The following NFATC2IP variants were observed in gnomAD, a reference collection of about 807,000 sequenced individuals.
NFATC2IP encodes the protein NFATC2-interacting protein.
NFATC2IP carries 25 observed loss-of-function variants against 40.2 expected under a neutral mutation model. The ratio of observed to expected loss-of-function variants is 0.62; its 90% CI spans 0.45 to 0.87. NFATC2IP has a LOEUF of 0.87. Ranked by LOEUF, NFATC2IP falls within the 40% of genes least tolerant of loss-of-function variation. The pLI is 0.00. For synonymous variants in NFATC2IP, 241 were observed against 236.3 expected, an observed-to-expected ratio of 1.02 and a Z score of -0.18; for missense variants, 553 against 555.6, an observed-to-expected ratio of 1.00 and a Z score of 0.05.
At chr16:28,958,913 G>A in intron 6 of NFATC2IP, 52 bp downstream of exon 6, 1 of 1,609,538 alleles carries the variant, frequency 6.2e-7, no homozygotes, top group African/African-American at 1.3e-5. Context: ...AGGGGAAGGG[G>A]ATATGGGGAG....
rs768198449 is a variant in NFATC2IP at position 28,963,884 on chromosome 16, G to A, written c.*21G>A. ...GCTGACACCCCACTCCCTGTTTGAC[G>A]GCCCAGCCTGGACTTGGGGAGAATG... On this transcript the variant is annotated 3_prime_UTR_variant, in exon 8 of 8. Transcript: ENST00000320805. 2.4e-5 allele frequency: 39 copies of A among 1,612,302 alleles called. No homozygotes were observed. The highest frequency in any genetic ancestry group is 1.7e-4 in the Middle Eastern group (1 of 6,058).
chr16:28,961,439 T>A (rs1473232204), intron 7 of NFATC2IP, among the ~76,000 whole-genome samples: 2 of 152,012 alleles, frequency 1.3e-5, no homozygotes, highest in Admixed American at 6.6e-5. Flanking sequence ...ATTTTGGCTG[T>A]TGTAACAAAG....
chr16:28,950,998 G>A lies in NFATC2IP; in HGVS notation c.-14G>A, dbSNP rs573728411. ...CGAGAGGAGGCGGGCGTGTGTTGTG[G>A]AGGAAAGTGTGCCATGGCGGAGCCT... On this transcript the variant is annotated 5_prime_UTR_variant, in exon 1 of 8. Transcript: ENST00000320805. 1 of 1,492,774 alleles carries A rather than the reference G, an allele frequency of 6.7e-7. No individual in the cohort carries two copies. The highest frequency in any genetic ancestry group is 2.2e-4 in the Middle Eastern group (1 of 4,516). The allele number at this position is 1,492,774 out of a possible 1,614,324, so 92.5% of individuals were successfully genotyped here. A position where few individuals can be genotyped will look rare whatever the true frequency, so the allele number is the denominator to read the frequency against.
In NFATC2IP at chr16:28,964,069, T is replaced by TG; in HGVS notation, c.*208dup. The TG allele has an allele frequency of 5.3e-6, 3 of 566,844 alleles. No individual in the cohort carries two copies. The highest frequency in any genetic ancestry group is 9.4e-6 in the Non-Finnish European group (3 of 317,548). The allele number at this position is 566,844 out of a possible 1,614,324, so 35.1% of individuals were successfully genotyped here. A position where few individuals can be genotyped will look rare whatever the true frequency, so the allele number is the denominator to read the frequency against. ...GTTATGTGGGTGTTGTTGCCCTGGG[T>TG]GGCCTGTGGCTCCGTCCACAAGTCA... On this transcript the variant is annotated 3_prime_UTR_variant, in exon 8 of 8. Transcript: ENST00000320805.
chr16:28,954,909 A>G (rs926939220), intron 3 of NFATC2IP, among the ~76,000 whole-genome samples: 3 of 152,120 alleles, frequency 2.0e-5, no homozygotes, highest in African/African-American at 7.2e-5. Context: ...CTGAGACCCT[A>G]GTAATGTGAG....
intron 3 of NFATC2IP, among the ~76,000 whole-genome samples, 171 bp downstream of exon 3, chr16:28,954,853 C>T (rs962712822): frequency 6.6e-4 from 101 of 152,010 alleles, no homozygotes; most frequent in African/African-American, 2.2e-3. Flanking sequence ...TGGCTTACCC[C>T]GGAGGGTGAC....
chr16:28,960,514 A>G (rs1352734312), intron 7 of NFATC2IP, among the ~76,000 whole-genome samples: 3 of 152,222 alleles, frequency 2.0e-5, no homozygotes, highest in East Asian at 1.9e-4. Context: ...GAGACTTGGT[A>G]TGGTCCATTC....
chr16:28,958,058 C>A (rs1466116987), intron 5 of NFATC2IP, among the ~76,000 whole-genome samples: 1 of 151,314 alleles, frequency 6.6e-6, no homozygotes, highest in Non-Finnish European at 1.5e-5. Flanking sequence ...CACCTGAGAT[C>A]AGGAGTTCAA....
chr16:28,957,502 G>A (rs528718193), intron 5 of NFATC2IP: 2 of 152,138 alleles, frequency 1.3e-5, no homozygotes, highest in African/African-American at 4.8e-5. Flanking sequence ...AATTAACCAG[G>A]CATGGTGGCA....
At chr16:28,958,197 C>T (rs573434156) in intron 5 of NFATC2IP, among the ~76,000 whole-genome samples, 1 of 151,946 alleles carries the variant, frequency 6.6e-6, no homozygotes, top group African/African-American at 2.4e-5. Context: ...CACCTGTTAT[C>T]CCTGTAGTTT....
chr16:28,956,199 G>A lies in NFATC2IP; in HGVS notation c.708G>A (p.Lys236=), dbSNP rs1388931503. ...ATCTCCGTTCCTGTCTGAGCCCCAAGCCACCTCAGGGTCAAGAGCAACAGG... is the reference window on the plus strand; with the variant it reads ...ATCTCCGTTCCTGTCTGAGCCCCAAACCACCTCAGGGTCAAGAGCAACAGG... ...LQDLRSCLSP[K]PPQGQEQQGQ... Residue 236 remains lysine, a synonymous_variant, in exon 5 of 8, where the codon AAG becomes AAA. Coordinates refer to ENST00000320805, the MANE Select transcript of NFATC2IP (RefSeq NM_032815.4). The A allele has an allele frequency of 6.2e-7, 1 of 1,614,030 alleles. No homozygotes were observed. Among genetic ancestry groups the A allele is most frequent in the Admixed American group, 1.7e-5 (1 of 59,982 alleles).
rs1256949160 is a variant in NFATC2IP, at chr16:28,958,757, A to C, written c.887A>C (p.His296Pro). Residue 296 changes from histidine (H) to proline (P), a missense_variant, in exon 6 of 8, where the codon CAC becomes CCC. Coordinates refer to ENST00000320805, the MANE Select transcript of NFATC2IP (RefSeq NM_032815.4). ...LQSVVDHMAT[H>P]LGVSPSRILL... Reference sequence around the variant, plus strand: ...AGTGTGGTGGACCACATGGCCACCCACCTTGGGGTGTCCCCAAGCAGGATC... The same window carrying C: ...AGTGTGGTGGACCACATGGCCACCCCCCTTGGGGTGTCCCCAAGCAGGATC... 1 of 1,612,558 alleles carries C rather than the reference A, an allele frequency of 6.2e-7. No individual in the cohort carries two copies. Among genetic ancestry groups the C allele is most frequent in the Non-Finnish European group, 8.5e-7 (1 of 1,178,608 alleles).
At chr16:28,960,321 C>T (rs1248447128) in intron 7 of NFATC2IP, among the ~76,000 whole-genome samples, 1 of 152,150 alleles carries the variant, frequency 6.6e-6, no homozygotes, top group Non-Finnish European at 1.5e-5. Flanking sequence ...CCTTAACACA[C>T]TGTTCTCTAG....
chr16:28,953,304 C>A (rs1043567227), intron 2 of NFATC2IP, among the ~76,000 whole-genome samples: 2 of 152,054 alleles, frequency 1.3e-5, no homozygotes, highest in Non-Finnish European at 2.9e-5. Flanking sequence ...AACTCCTGAC[C>A]TTAGGTGATC....
At chr16:28,957,435 G>T (rs1049787543) in intron 5 of NFATC2IP, among the ~76,000 whole-genome samples, 2 of 151,918 alleles carry the variant, frequency 1.3e-5, no homozygotes, top group Non-Finnish European at 2.9e-5. Flanking sequence ...TTGAGGCCAG[G>T]AGTTCGAGAC....
intron 1 of NFATC2IP, 71 bp downstream of exon 1, chr16:28,951,469 C>T (rs1281669202): frequency 3.8e-6 from 5 of 1,332,474 alleles, no homozygotes; most frequent in Non-Finnish European, 3.8e-6. Context: ...GGCCGGCGTT[C>T]GGGGAGGGTA....
chr16:28,959,125 C>G, intron 7 of NFATC2IP, 25 bp downstream of exon 7: 1 of 1,363,940 alleles, frequency 7.3e-7, no homozygotes, highest in African/African-American at 1.4e-5. Flanking sequence ...TGGCTCTCCA[C>G]GCCCCTCACC....
At chr16:28,963,658 C>T (rs200801797) in intron 7 of NFATC2IP, 47 bp from the exon 8 acceptor site, 29 of 1,577,686 alleles carry the variant, frequency 1.8e-5, no homozygotes, top group East Asian at 1.1e-4. Flanking sequence ...ACGGGATCCC[C>T]GCCCCCTTTC....
At position 28,959,076 on chromosome 16, in the gene NFATC2IP, G is replaced by T; in HGVS notation, c.1077G>T (p.Gln359His). Residue 359 changes from glutamine to histidine, a missense_variant, in exon 7 of 8, where the codon CAG (glutamine) becomes CAT (histidine). Coordinates refer to ENST00000320805, the MANE Select transcript of NFATC2IP (RefSeq NM_032815.4). ...QLRVQGKEKH[Q>H]TLEVSLSRDS... is the part of the protein sequence containing the mutation. ...GGGTGCAGGGAAAGGAGAAACACCA[G>T]ACACTGGAAGTCTCACTGTCTCGAG... 1 of 1,612,864 alleles carries T rather than the reference G, an allele frequency of 6.2e-7. No homozygotes were observed. The highest frequency in any genetic ancestry group is 1.1e-5 in the South Asian group (1 of 91,038).
Sources: allele counts gnomAD v4.1 joint callset (sites outside exome capture counted in the v4.1 genomes callset), GRCh38; gene constraint gnomAD v4.1.1; transcripts MANE v1.5; gene names NCBI Gene and HGNC (gene_info 2026-07-23, HGNC 2026-07-21).